The following FHIT variants were observed in gnomAD, a reference collection of about 807,000 sequenced individuals.
FHIT encodes the protein fragile histidine triad diadenosine triphosphatase.
A neutral mutation model predicts 17.9 loss-of-function variants in FHIT; 19 were observed. The ratio of observed to expected loss-of-function variants is 1.06; its 90% CI spans 0.74 to 1.56. The LOEUF is 1.56. Ranked by LOEUF, FHIT falls within the 40% of genes most tolerant of loss-of-function variation. FHIT has a pLI of 0.00. For synonymous variants in FHIT, 81 were observed against 69.7 expected (o/e 1.16, Z -0.81); for missense variants, 248 against 189.2 (o/e 1.31, Z -1.82).
At chr3:60,748,556 A>G (rs1437948905) in intron 4 of FHIT, among the ~76,000 whole-genome samples, 2 of 152,166 alleles carry the variant, frequency 1.3e-5, no homozygotes, top group Non-Finnish European at 2.9e-5. Context: ...TCACACCTGT[A>G]ATCCCAGCAC....
At chr3:60,212,364 G>C (rs1021828426) in intron 5 of FHIT, among the ~76,000 whole-genome samples, 2 of 152,102 alleles carry the variant, frequency 1.3e-5, no homozygotes, top group African/African-American at 4.8e-5. Context: ...AAACAACTTA[G>C]TATAAAAACG....
intron 7 of FHIT, among the ~76,000 whole-genome samples, chr3:59,936,559 C>G (rs767928553): frequency 9.9e-5 from 15 of 152,156 alleles, no homozygotes; most frequent in Non-Finnish European, 2.2e-4. Flanking sequence ...TTCGAGGCAG[C>G]TCTGTGGCTT....
chr3:61,186,616 T>A (rs1454445007), intron 2 of FHIT, among the ~76,000 whole-genome samples: 1 of 152,222 alleles, frequency 6.6e-6, no homozygotes, highest in Non-Finnish European at 1.5e-5. Flanking sequence ...TTTGTCCATT[T>A]ACCCATCCCA....
intron 4 of FHIT, among the ~76,000 whole-genome samples, chr3:60,782,281 A>G (rs1700422455): frequency 6.8e-6 from 1 of 147,518 alleles, no homozygotes; most frequent in South Asian, 2.1e-4. Flanking sequence ...ATTTCATCTC[A>G]CACCTATTAA....
intron 5 of FHIT, among the ~76,000 whole-genome samples, chr3:60,417,529 A>T (rs1559896401): frequency 6.6e-6 from 1 of 152,222 alleles, no homozygotes; most frequent in Non-Finnish European, 1.5e-5. Context: ...GGCAAAGAAA[A>T]TATAATAGAA....
At chr3:60,881,741 T>C (rs1421102042) in intron 3 of FHIT, among the ~76,000 whole-genome samples, 1 of 151,892 alleles carries the variant, frequency 6.6e-6, no homozygotes, top group African/African-American at 2.4e-5. Flanking sequence ...ATATCAAAAC[T>C]TATGAGATAC....
At chr3:60,855,556 C>A (rs1703346943) in intron 3 of FHIT, among the ~76,000 whole-genome samples, 1 of 152,080 alleles carries the variant, frequency 6.6e-6, no homozygotes, top group South Asian at 2.1e-4. Context: ...ACCCTGGGAT[C>A]CTCTACCTCC....
intron 5 of FHIT, among the ~76,000 whole-genome samples, chr3:60,375,041 A>G (rs1438932865): frequency 1.3e-5 from 2 of 152,046 alleles, no homozygotes; most frequent in African/African-American, 4.8e-5. Flanking sequence ...GATAATGAGA[A>G]GAGGGAGAGA....
chr3:60,015,749 C>T (rs1266935814), intron 5 of FHIT, among the ~76,000 whole-genome samples: 6 of 152,170 alleles, frequency 3.9e-5, no homozygotes, highest in African/African-American at 1.4e-4. Flanking sequence ...GGGAGGAAGA[C>T]ATTTCACTTC....
intron 5 of FHIT, among the ~76,000 whole-genome samples, chr3:60,032,611 T>C (rs1026149947): frequency 3.3e-5 from 5 of 152,152 alleles, no homozygotes; most frequent in African/African-American, 1.2e-4. Flanking sequence ...AGGCTGTCAC[T>C]ACCTAAATCT....
intron 8 of FHIT, among the ~76,000 whole-genome samples, chr3:59,765,468 G>A (rs146857168): frequency 7.7e-4 from 117 of 152,282 alleles, no homozygotes; most frequent in African/African-American, 2.7e-3. Context: ...GCTAGATTTA[G>A]GTGGAGATCA....
intron 5 of FHIT, among the ~76,000 whole-genome samples, chr3:60,034,046 G>A (rs1701110258): frequency 6.6e-6 from 1 of 152,202 alleles, no homozygotes; most frequent in Non-Finnish European, 1.5e-5. Flanking sequence ...TTACATGATT[G>A]AGTACTTATA....
At chr3:60,441,208 T>C (rs939311222) in intron 5 of FHIT, among the ~76,000 whole-genome samples, 10 of 152,100 alleles carry the variant, frequency 6.6e-5, no homozygotes, top group African/African-American at 2.4e-4. Context: ...TTCACCAATA[T>C]TCGATGAATC....
chr3:61,107,334 C>T (rs141179024), intron 2 of FHIT, among the ~76,000 whole-genome samples: 78 of 152,234 alleles, frequency 5.1e-4, no homozygotes, highest in African/African-American at 1.8e-3. Flanking sequence ...AATAATTTTC[C>T]AGGGTGTATG....
At chr3:61,108,176 CTTA>C (rs982181573) in intron 2 of FHIT, among the ~76,000 whole-genome samples, 15 of 151,944 alleles carry the variant, frequency 9.9e-5, no homozygotes, top group East Asian at 3.9e-4. Context: ...TGAGAAATCT[CTTA>C]TTATTATCAT....
chr3:60,778,226 G>A (rs370482032), intron 4 of FHIT, among the ~76,000 whole-genome samples: 4 of 152,208 alleles, frequency 2.6e-5, no homozygotes, highest in South Asian at 2.1e-4. Context: ...AGTAAACCAC[G>A]GAGATAACTA....
chr3:60,627,671 G>A (rs1199590698), intron 4 of FHIT, among the ~76,000 whole-genome samples: 1 of 151,998 alleles, frequency 6.6e-6, no homozygotes, highest in Non-Finnish European at 1.5e-5. Flanking sequence ...CTACAGGCAT[G>A]TGCCACCACA....
At chr3:60,972,633 C>T (rs964097180) in intron 3 of FHIT, among the ~76,000 whole-genome samples, 1 of 151,802 alleles carries the variant, frequency 6.6e-6, no homozygotes, top group East Asian at 1.9e-4. Context: ...TTCTTTACTG[C>T]TATTCTTCAA....
At chr3:60,516,392 C>T (rs1450379188) in intron 5 of FHIT, among the ~76,000 whole-genome samples, 2 of 152,166 alleles carry the variant, frequency 1.3e-5, no homozygotes, top group African/African-American at 4.8e-5. Context: ...CATGAGATGT[C>T]TTCGCTAAAG....
Sources: gnomAD v4.1 joint callset for allele counts (sites outside exome capture counted in the v4.1 genomes callset) on GRCh38, gnomAD v4.1.1 for gene constraint, MANE v1.5 for transcripts, NCBI Gene and HGNC (gene_info 2026-07-23, HGNC 2026-07-21) for gene names.